The following CTXND2 variants were observed in gnomAD, a reference collection of about 807,000 sequenced individuals.
CTXND2 encodes the protein cortexin domain containing 2.
intron 1 of CTXND2, among the ~76,000 whole-genome samples, chr1:150,908,450 T>A (rs1475049156): frequency 6.6e-6 from 1 of 152,184 alleles, no homozygotes; most frequent in Admixed American, 6.5e-5. Context: ...ATTCTAGTCA[T>A]CCTAGTGGGT....
intron 1 of CTXND2, among the ~76,000 whole-genome samples, chr1:150,894,967 G>A (rs961676845): frequency 2.0e-5 from 3 of 151,816 alleles, no homozygotes; most frequent in African/African-American, 7.3e-5. Context: ...CCAGGAGGAG[G>A]TTGTAGTGAG....
chr1:150,905,914 C>A (rs587691105), intron 1 of CTXND2, among the ~76,000 whole-genome samples: 1 of 151,196 alleles, frequency 6.6e-6, no homozygotes, highest in African/African-American at 2.4e-5. Flanking sequence ...GGCGTGAACC[C>A]GGGAGGCGGA....
intron 1 of CTXND2, among the ~76,000 whole-genome samples, chr1:150,906,839 GT>G (rs1161392253): frequency 6.6e-6 from 1 of 152,170 alleles, no homozygotes; most frequent in Non-Finnish European, 1.5e-5. Flanking sequence ...GATATCCAAC[GT>G]GAGTTTAGGT....
At chr1:150,911,487 G>A (rs1466893115) in intron 1 of CTXND2, among the ~76,000 whole-genome samples, 1 of 151,336 alleles carries the variant, frequency 6.6e-6, no homozygotes, top group African/African-American at 2.4e-5. Context: ...GCAGGCTGGA[G>A]TGCAATGACT....
chr1:150,896,350 A>G (rs1020498925), intron 1 of CTXND2, among the ~76,000 whole-genome samples: 2 of 152,242 alleles, frequency 1.3e-5, no homozygotes, highest in African/African-American at 4.8e-5. Flanking sequence ...ATATGAGTCA[A>G]TAAATTCCAT....
At position 150,892,860 on chromosome 1, in the gene CTXND2, C is replaced by A. The variant is rs80081400; in HGVS notation, c.-74+5547C>A. 8.4e-3 allele frequency among the ~76,000 whole-genome samples: 1,282 copies of A among 152,142 alleles called. 7 individuals carry two copies. The highest frequency in any genetic ancestry group is 0.012 in the Non-Finnish European group (809 of 68,002). ...GGCTTCTATCTTCTCTATCCTTGAG[C>A]CTTTGAGTTCCTTCATACGTTTAAG... On this transcript the variant is annotated intron_variant, in intron 1 of 1. Transcript: ENST00000636087.
At chr1:150,889,383 C>T (rs35782301) in intron 1 of CTXND2, among the ~76,000 whole-genome samples, 31,752 of 140,876 alleles carry the variant, frequency 0.23, 4,103 homozygotes, top group Non-Finnish European at 0.29. Flanking sequence ...CTGGGCGACA[C>T]AGCAAGACTC....
At chr1:150,904,158 A>G in intron 1 of CTXND2, 1 of 647,816 alleles carries the variant, frequency 1.5e-6, no homozygotes, top group East Asian at 3.4e-5. Context: ...GGCATTAAAA[A>G]GAAGGCAGAA....
intron 1 of CTXND2, among the ~76,000 whole-genome samples, chr1:150,898,768 A>G (rs1453369260): frequency 6.8e-6 from 1 of 147,034 alleles, no homozygotes; most frequent in African/African-American, 2.5e-5. Context: ...AAAAAAAAAA[A>G]AAGAAAGAAA....
At chr1:150,895,615 A>C (rs1668906297) in intron 1 of CTXND2, among the ~76,000 whole-genome samples, 2 of 152,092 alleles carry the variant, frequency 1.3e-5, no homozygotes, top group Admixed American at 1.3e-4. Flanking sequence ...AAGTGTTGGG[A>C]TGATTACAGG....
intron 1 of CTXND2, among the ~76,000 whole-genome samples, chr1:150,895,034 CAA>C (rs892123154): frequency 6.6e-6 from 1 of 151,022 alleles, no homozygotes; most frequent in Non-Finnish European, 1.5e-5. Context: ...CCGTCCCCCT[CAA>C]AAAAACATAT....
intron 1 of CTXND2, among the ~76,000 whole-genome samples, chr1:150,900,952 A>G (rs1160880544): frequency 1.3e-5 from 2 of 152,146 alleles, no homozygotes; most frequent in Non-Finnish European, 2.9e-5. Flanking sequence ...TTGTCTCTAC[A>G]TAAAAATAAA....
chr1:150,905,237 G>A (rs191489149), intron 1 of CTXND2, among the ~76,000 whole-genome samples: 28 of 150,700 alleles, frequency 1.9e-4, no homozygotes, highest in Admixed American at 3.3e-4. Context: ...TCTACCTCCC[G>A]GATTCAAGTC....
intron 1 of CTXND2, among the ~76,000 whole-genome samples, chr1:150,901,720 C>G (rs1228418801): frequency 6.6e-6 from 1 of 150,948 alleles, no homozygotes; most frequent in Non-Finnish European, 1.5e-5. Context: ...CAAGACCATC[C>G]TGGCTAACAC....
chr1:150,899,910 A>G (rs1401618561), intron 1 of CTXND2, among the ~76,000 whole-genome samples: 1 of 152,192 alleles, frequency 6.6e-6, no homozygotes, highest in Non-Finnish European at 1.5e-5. Context: ...AAACACACCA[A>G]TCAGCGCTCT....
intron 1 of CTXND2, among the ~76,000 whole-genome samples, chr1:150,901,020 G>T (rs1016483161): frequency 5.3e-5 from 8 of 152,116 alleles, no homozygotes; most frequent in African/African-American, 1.9e-4. Context: ...GCTGAGGCAG[G>T]AGGATCCCTT....
At chr1:150,890,373 T>TA (rs1348389709) in intron 1 of CTXND2, among the ~76,000 whole-genome samples, 1 of 152,144 alleles carries the variant, frequency 6.6e-6, no homozygotes, top group African/African-American at 2.4e-5. Flanking sequence ...CTGAAATAGA[T>TA]AGACAGCCAG....
chr1:150,905,062 C>CACA (rs1553235745), intron 1 of CTXND2, among the ~76,000 whole-genome samples: 2 of 130,766 alleles, frequency 1.5e-5, no homozygotes, highest in Non-Finnish European at 3.2e-5. Context: ...AAAAAGAAAA[C>CACA]CACACACACA....
intron 1 of CTXND2, among the ~76,000 whole-genome samples, chr1:150,896,694 C>A (rs1557999163): frequency 1.3e-5 from 2 of 152,176 alleles, no homozygotes; most frequent in Non-Finnish European, 2.9e-5. Flanking sequence ...CAAAGTCATT[C>A]ATTCATTCAA....
Sources: allele counts gnomAD v4.1 joint callset (sites outside exome capture counted in the v4.1 genomes callset), GRCh38; gene constraint gnomAD v4.1.1; transcripts MANE v1.5; gene names NCBI Gene and HGNC (gene_info 2026-07-23, HGNC 2026-07-21).